Variants in CSPP1 observed in about 807,000 individuals in gnomAD.
CSPP1 encodes centrosome and spindle pole associated protein 1, also known as centrosome and spindle pole-associated protein 1.
Under a neutral mutation model 164.4 loss-of-function variants are expected in CSPP1, and 126 were observed. That is an observed-to-expected ratio of 0.77 (90% CI 0.66 to 0.89). The LOEUF is 0.89. CSPP1 is among the 40% of genes least tolerant of loss of function. The pLI is 0.00. For missense variants in CSPP1, 1,395 were observed against 1,449.8 expected (o/e 0.96, Z 0.61); for synonymous variants, 472 against 476.7 (o/e 0.99, Z 0.13).
intron 28 of CSPP1, among the ~76,000 whole-genome samples, chr8:67,186,111 A>T (rs1192492249): frequency 1.3e-5 from 2 of 152,230 alleles, no homozygotes; most frequent in Non-Finnish European, 2.9e-5. Context: ...CTTTAGGAAA[A>T]TAGTTTAAAC....
chr8:67,113,932 G>A, intron 11 of CSPP1, 70 bp downstream of exon 11: 1 of 877,310 alleles, frequency 1.1e-6, no homozygotes, highest in Non-Finnish European at 1.8e-6. Flanking sequence ...TGGCAGGTGG[G>A]GATAGAGAAT....
intron 17 of CSPP1, among the ~76,000 whole-genome samples, chr8:67,146,717 A>G (rs1563675708): frequency 6.6e-6 from 1 of 152,156 alleles, no homozygotes; most frequent in African/African-American, 2.4e-5. Flanking sequence ...TTTTCCACCA[A>G]AGTATAAAGA....
At chr8:67,128,059 G>A (rs1408805722) in intron 15 of CSPP1, among the ~76,000 whole-genome samples, 1 of 152,066 alleles carries the variant, frequency 6.6e-6, no homozygotes. Context: ...ATTTTGATTA[G>A]CTTTAGTCTT....
intron 7 of CSPP1, among the ~76,000 whole-genome samples, chr8:67,102,172 C>T (rs1814257773): frequency 6.6e-6 from 1 of 152,152 alleles, no homozygotes; most frequent in Non-Finnish European, 1.5e-5. Flanking sequence ...ATCATTTTCT[C>T]TGTTTATATT....
At chr8:67,170,024 G>A (rs371171159) in intron 24 of CSPP1, among the ~76,000 whole-genome samples, 5 of 152,102 alleles carry the variant, frequency 3.3e-5, no homozygotes, top group East Asian at 3.9e-4. Context: ...TTATAGGCGT[G>A]AGCCACAGGG....
intron 4 of CSPP1, chr8:67,086,893 T>A: frequency 8.5e-7 from 1 of 1,171,728 alleles, no homozygotes; most frequent in Non-Finnish European, 1.2e-6. Flanking sequence ...TCTTTCTTTT[T>A]TTTTTTTTTT....
At position 67,129,378 on chromosome 8, in the gene CSPP1, T is replaced by C. The variant is rs533740118; in HGVS notation, c.1698-2573T>C. ...AACTGATGTTATTTGCAAAATAATA[T>C]ATGGTTAAAATATTGGAATTAATAT... is the stretch of plus-strand genomic sequence containing the variant. On this transcript the variant is annotated intron_variant, in intron 15 of 30. Coordinates refer to ENST00000678616, the MANE Select transcript of CSPP1 (RefSeq NM_001382391.1). Among the ~76,000 whole-genome samples, 3 of 152,246 alleles carry C rather than the reference T, an allele frequency of 2.0e-5. No individual in the cohort carries two copies. In the South Asian group the frequency reaches 6.2e-4, roughly 32 times the overall value.
intron 29 of CSPP1, among the ~76,000 whole-genome samples, chr8:67,192,440 A>T (rs181946349): frequency 6.6e-6 from 1 of 152,280 alleles, no homozygotes; most frequent in Admixed American, 6.5e-5. Context: ...CATTCTCACT[A>T]CAAGTCTAGT....
intron 24 of CSPP1, among the ~76,000 whole-genome samples, chr8:67,171,836 C>T (rs1173646783): frequency 6.7e-6 from 1 of 149,280 alleles, no homozygotes; most frequent in Admixed American, 6.7e-5. Context: ...GTGTGAGCCA[C>T]CATGCCTGGC....
In CSPP1 at chr8:67,195,547, A is replaced by T; in HGVS notation, c.3635A>T (p.Lys1212Ile). The change falls in exon 31 of 31, where the codon AAA becomes ATA. Residue 1212 changes from lysine to isoleucine, a missense_variant. Coordinates refer to ENST00000678616, the MANE Select transcript of CSPP1 (RefSeq NM_001382391.1). ...LNQEQQQIPG[K>I]PGTFTWQGLS... is the part of the protein sequence containing the mutation. ...CAGGAGCAGCAGCAGATTCCTGGAAAACCAGGCACTTTCACTTGGCAGGGC... is the reference window on the plus strand; with the variant it reads ...CAGGAGCAGCAGCAGATTCCTGGAATACCAGGCACTTTCACTTGGCAGGGC... The T allele has an allele frequency of 6.2e-7, 1 of 1,614,180 alleles. No homozygotes were observed. The highest frequency in any genetic ancestry group is 8.5e-7 in the Non-Finnish European group (1 of 1,180,026).
At chr8:67,091,362 T>C (rs1030494518) in intron 4 of CSPP1, among the ~76,000 whole-genome samples, 5 of 152,234 alleles carry the variant, frequency 3.3e-5, no homozygotes, top group Admixed American at 3.3e-4. Flanking sequence ...TTTCAGTAGA[T>C]ATTCACTCAC....
At chr8:67,098,050 C>CAA (rs200094346) in intron 7 of CSPP1, among the ~76,000 whole-genome samples, 28 of 120,118 alleles carry the variant, frequency 2.3e-4, no homozygotes, top group South Asian at 5.5e-4. Flanking sequence ...TTATTTCCAG[C>CAA]AAAAAAAAAA....
intron 9 of CSPP1, among the ~76,000 whole-genome samples, chr8:67,108,718 G>A (rs536756618): frequency 8.3e-4 from 126 of 152,198 alleles, no homozygotes; most frequent in Middle Eastern, 6.8e-3. Context: ...CTCAGGGATG[G>A]GTCTTTCTCA....
intron 9 of CSPP1, among the ~76,000 whole-genome samples, chr8:67,107,692 A>G (rs372887930): frequency 3.9e-5 from 6 of 152,154 alleles, no homozygotes; most frequent in African/African-American, 9.7e-5. Flanking sequence ...TCTTATTTCA[A>G]TTGAACTGAA....
At chr8:67,121,511 G>A (rs1200627558) in intron 15 of CSPP1, among the ~76,000 whole-genome samples, 1 of 151,930 alleles carries the variant, frequency 6.6e-6, no homozygotes, top group African/African-American at 2.4e-5. Context: ...TGTTTTCCAG[G>A]AATAAATTCC....
rs532884543 is a variant in CSPP1 at position 67,188,240 on chromosome 8, T to C, written c.3221-2410T>C. On this transcript the variant is annotated intron_variant, in intron 28 of 30. Coordinates refer to ENST00000678616, the MANE Select transcript of CSPP1 (RefSeq NM_001382391.1). ...GATTCAGCAAGACTTGCACCACACA[T>C]CACCATACAGATAACAAGACAAAGG... is the stretch of plus-strand genomic sequence containing the variant. Among the ~76,000 whole-genome samples, 8 of 152,224 alleles carry C rather than the reference T, an allele frequency of 5.3e-5. 1 individual carries two copies. The South Asian group carries it at 1.7e-3, about 32-fold the overall frequency.
intron 24 of CSPP1, among the ~76,000 whole-genome samples, chr8:67,169,990 C>T (rs927212147): frequency 4.6e-5 from 7 of 151,682 alleles, no homozygotes; most frequent in Admixed American, 4.6e-4. Context: ...TCAAGCAATA[C>T]GTCGGCTTCT....
At chr8:67,162,362 A>G (rs1828531167) in intron 22 of CSPP1, among the ~76,000 whole-genome samples, 1 of 152,218 alleles carries the variant, frequency 6.6e-6, no homozygotes, top group South Asian at 2.1e-4. Context: ...GTCTGGCCTG[A>G]TGATGCTTGT....
chr8:67,093,092 G>A (rs1811964711), intron 5 of CSPP1, among the ~76,000 whole-genome samples: 2 of 152,106 alleles, frequency 1.3e-5, no homozygotes. Flanking sequence ...TAGTGGGAGA[G>A]ATTTATCTCT....
Sources: allele counts gnomAD v4.1 joint callset (sites outside exome capture counted in the v4.1 genomes callset), GRCh38; gene constraint gnomAD v4.1.1; transcripts MANE v1.5; gene names NCBI Gene and HGNC (gene_info 2026-07-23, HGNC 2026-07-21).